Variants in LPIN1 observed in about 807,000 individuals in gnomAD.
The protein encoded by LPIN1 is phosphatidate phosphatase LPIN1.
Under a neutral mutation model 107.5 loss-of-function variants are expected in LPIN1, and 71 were observed. That is an observed-to-expected ratio of 0.66 (90% CI 0.55 to 0.80). The LOEUF (loss-of-function observed/expected upper bound fraction) is 0.80, where lower values mean the gene tolerates loss of function less well. Among genes scored for constraint, LPIN1 ranks in the 30% least tolerant of loss-of-function variants. LPIN1 has a pLI of 0.00. For missense variants in LPIN1, 1,043 were observed against 1,160.6 expected, an observed-to-expected ratio of 0.90 and a Z score of 1.47; for synonymous variants, 445 against 452.6, an observed-to-expected ratio of 0.98 and a Z score of 0.21.
intron 1 of LPIN1, among the ~76,000 whole-genome samples, chr2:11,734,653 G>T (rs963494402): frequency 6.6e-6 from 1 of 152,168 alleles, no homozygotes; most frequent in South Asian, 2.1e-4. Flanking sequence ...AGAAGATGGG[G>T]TGCTGTCTTC....
chr2:11,783,023 C>T (rs570542725), intron 8 of LPIN1, among the ~76,000 whole-genome samples: 117 of 152,318 alleles, frequency 7.7e-4, no homozygotes, highest in Admixed American at 2.6e-3. Flanking sequence ...CTCTCCTCGG[C>T]GCTTGGCATA....
chr2:11,804,533 T>C lies in LPIN1; in HGVS notation c.2124T>C (p.Asp708=), dbSNP rs1354863321. ...CCATCTATCTGTGGAACTGGGATGA[T>C]AAAGTCATCATTTCTGATATTGATG... ...EGTIYLWNWD[D]KVIISDIDGT... Residue 708 remains aspartate, a synonymous_variant, in exon 16 of 21, where the codon GAT becomes GAC. Coordinates refer to ENST00000674199, the MANE Select transcript of LPIN1 (RefSeq NM_001349206.2). The C allele has an allele frequency of 7.9e-5, 128 of 1,614,104 alleles. 1 individual carries two copies. The highest frequency in any genetic ancestry group is 1.1e-4 in the Non-Finnish European group (125 of 1,180,044).
intron 2 of LPIN1, among the ~76,000 whole-genome samples, chr2:11,717,003 C>T (rs2148529258): frequency 6.6e-6 from 1 of 152,114 alleles, no homozygotes; most frequent in African/African-American, 2.4e-5. Flanking sequence ...TTGCTTATTT[C>T]TTTTATTTCT....
chr2:11,763,792 T>G lies in LPIN1; in HGVS notation c.-9-1741T>G, dbSNP rs531876595. 4.6e-5 allele frequency among the ~76,000 whole-genome samples: 7 copies of G among 151,994 alleles called. 1 individual carries two copies. Among genetic ancestry groups the G allele is most frequent in the African/African-American group, 1.7e-4 (7 of 41,444 alleles). On this transcript the variant is annotated intron_variant, in intron 1 of 20. Transcript: ENST00000674199. ...GTCTGGTGGTTTTAAGCTTCCATGC[T>G]TCTGCATGGACCTCTCGTTGTACCC...
intron 4 of LPIN1, 37 bp from the exon 5 acceptor site, chr2:11,773,583 G>C: frequency 6.3e-7 from 1 of 1,580,986 alleles, no homozygotes. Flanking sequence ...CTATCATTAA[G>C]AATTCTTTGA....
intron 17 of LPIN1, among the ~76,000 whole-genome samples, chr2:11,805,756 C>T (rs566203603): frequency 1.2e-4 from 19 of 152,332 alleles, no homozygotes; most frequent in South Asian, 1.0e-3. Flanking sequence ...TACAGAGATT[C>T]TGAAAAGCAC....
chr2:11,782,522 G>T lies in LPIN1; in HGVS notation c.1264+15G>T. 6.2e-7 allele frequency: 1 copy of T among 1,613,494 alleles called. No homozygotes were observed. Among genetic ancestry groups the T allele is most frequent in the Admixed American group, 1.7e-5 (1 of 60,018 alleles). Reference sequence around the variant, plus strand: ...CAGGAAAAGAGGTACCAAGGCTGGGGCTTCCCGGCTCTTTTTCTGTTCATA... The same window carrying T: ...CAGGAAAAGAGGTACCAAGGCTGGGTCTTCCCGGCTCTTTTTCTGTTCATA... On this transcript the variant is annotated intron_variant, in intron 8 of 20. Transcript: ENST00000674199.
chr2:11,748,677 C>A (rs1667333920), intron 1 of LPIN1, among the ~76,000 whole-genome samples: 1 of 152,164 alleles, frequency 6.6e-6, no homozygotes, highest in Non-Finnish European at 1.5e-5. Context: ...CCTCCCCCTG[C>A]CTGCCACCTC....
At chr2:11,806,607 A>G (rs1422466011) in intron 17 of LPIN1, among the ~76,000 whole-genome samples, 1 of 152,214 alleles carries the variant, frequency 6.6e-6, no homozygotes, top group Non-Finnish European at 1.5e-5. Context: ...AAAGCTTCAG[A>G]TGTCATCTTA....
chr2:11,684,358 T>C (rs944849298), intron 1 of LPIN1, among the ~76,000 whole-genome samples: 1 of 152,236 alleles, frequency 6.6e-6, no homozygotes, highest in Non-Finnish European at 1.5e-5. Flanking sequence ...TTAAAGTTTT[T>C]GTAAAAACAA....
chr2:11,741,481 G>C, intron 2 of LPIN1: 1 of 1,338,480 alleles, frequency 7.5e-7, no homozygotes, highest in African/African-American at 1.5e-5. Flanking sequence ...ATGACCATTA[G>C]ATAAATAATA....
chr2:11,750,315 T>C lies in LPIN1; in HGVS notation c.-10+3644T>C, dbSNP rs893074387. The stretch of plus-strand genomic sequence containing the variant: ...GTTCTGGCAAAACAATGTCCCACCA[T>C]TGGACTCTGTGCAATGCCAGAATGC... On this transcript the variant is annotated intron_variant, in intron 1 of 20. Transcript: ENST00000674199. 6.6e-5 allele frequency among the ~76,000 whole-genome samples: 10 copies of C among 152,150 alleles called. No homozygotes were observed. In the East Asian group the frequency reaches 1.2e-3, roughly 18 times the overall value.
At chr2:11,752,432 C>CCTTTTTTTTT (rs1354955148) in intron 1 of LPIN1, among the ~76,000 whole-genome samples, 3 of 82,660 alleles carry the variant, frequency 3.6e-5, no homozygotes, top group Non-Finnish European at 2.3e-5. Flanking sequence ...GTTCCAAGGC[C>CCTTTTTTTTT]ATTTTTTTTT....
Position 11,774,556 on chromosome 2 carries a change from C to T in LPIN1, c.722+811C>T, listed in dbSNP as rs1204869841. ...TGATAATGAAAAAGAGACTGAGAAA[C>T]GCTGATCTAAATGCCAGTGACATCC... On this transcript the variant is annotated intron_variant, in intron 5 of 20. Coordinates refer to ENST00000674199, the MANE Select transcript of LPIN1 (RefSeq NM_001349206.2). This position sits in a 1 kb window ranked among gnomAD's most constrained non-coding sequence, Gnocchi z 4.4. Among the ~76,000 whole-genome samples the T allele has an allele frequency of 6.6e-6, 1 of 152,110 alleles. No individual in the cohort carries two copies. Among genetic ancestry groups the T allele is most frequent in the African/African-American group, 2.4e-5 (1 of 41,404 alleles).
At chr2:11,706,421 G>T (rs530154840) in intron 1 of LPIN1, among the ~76,000 whole-genome samples, 2 of 152,186 alleles carry the variant, frequency 1.3e-5, no homozygotes, top group East Asian at 3.8e-4. Flanking sequence ...TTGGAATTAA[G>T]GTTACTCATC....
intron 1 of LPIN1, among the ~76,000 whole-genome samples, chr2:11,703,165 A>G (rs756582210): frequency 2.6e-4 from 39 of 152,216 alleles, no homozygotes; most frequent in African/African-American, 8.2e-4. Context: ...GGGAAAAGTC[A>G]TCTTTATCTC....
In LPIN1 at chr2:11,783,850, G is replaced by T; in HGVS notation, c.1286G>T (p.Gly429Val). 6.2e-7 allele frequency: 1 copy of T among 1,614,098 alleles called. No homozygotes were observed. Among genetic ancestry groups the T allele is most frequent in the Non-Finnish European group, 8.5e-7 (1 of 1,179,944 alleles). The change falls in exon 9 of 21, where the codon GGT (glycine) becomes GTT (valine). Residue 429 changes from glycine to valine, a missense_variant. Physicochemically the swap from Gly to Val is moderately radical, Grantham distance 109. Coordinates refer to ENST00000674199, the MANE Select transcript of LPIN1 (RefSeq NM_001349206.2). ...RKRDKRSRHL[G>V]ADGVYLDDLT... The stretch of plus-strand genomic sequence containing the variant: ...TTAGATAAACGAAGCCGACATCTTG[G>T]TGCTGACGGCGTCTACTTGGATGAC...
chr2:11,720,941 A>C (rs1030057659), upstream of LPIN1, among the ~76,000 whole-genome samples: 8 of 151,980 alleles, frequency 5.3e-5, no homozygotes, highest in African/African-American at 1.7e-4. Flanking sequence ...GGACAGGGCG[A>C]GTCCTTGTCT....
chr2:11,765,850 A>G lies in LPIN1; in HGVS notation c.192+117A>G. ...CCAGAGTTTTAGGTCTTCGTTGGAA[A>G]TGGCCAGTCACGGAACTGACAGTGA... On this transcript the variant is annotated intron_variant, in intron 2 of 20. Transcript: ENST00000674199. This position sits in a 1 kb window ranked among gnomAD's most constrained non-coding sequence, Gnocchi z 4.4. 2 of 851,384 alleles carry G rather than the reference A, an allele frequency of 2.3e-6. No individual in the cohort carries two copies. Among genetic ancestry groups the G allele is most frequent in the South Asian group, 3.8e-5 (2 of 53,174 alleles). The allele number at this position is 851,384 out of a possible 1,614,324, so 52.7% of individuals were successfully genotyped here.
Sources: allele counts gnomAD v4.1 joint callset (sites outside exome capture counted in the v4.1 genomes callset), GRCh38; gene constraint gnomAD v4.1.1; non-coding constraint Gnocchi (gnomAD v3.1); transcripts MANE v1.5; gene names NCBI Gene and HGNC (gene_info 2026-07-23, HGNC 2026-07-21).